Variants in KIAA0825 observed in about 807,000 individuals in gnomAD.
The protein encoded by KIAA0825 is uncharacterized protein KIAA0825.
In KIAA0825, 119 loss-of-function variants were observed where a neutral mutation model predicts 147.6. That is an observed-to-expected ratio of 0.81 (90% CI 0.69 to 0.94). KIAA0825 has a LOEUF of 0.94. Among genes scored for constraint, KIAA0825 ranks in the 40% least tolerant of loss-of-function variants. The pLI is 0.00. For missense variants in KIAA0825, 1,381 were observed against 1,472.7 expected (o/e 0.94, Z 1.02); for synonymous variants, 470 against 518.1 (o/e 0.91, Z 1.26).
rs149702465 is a variant in KIAA0825 at position 94,172,005 on chromosome 5, C to T, written c.3711-17881G>A. ...CATTGAATGTCTCATTAGGATTCCACGCTGAAGATAGTGACATGAGATTCT... is the reference window on the plus strand; with the variant it reads ...CATTGAATGTCTCATTAGGATTCCATGCTGAAGATAGTGACATGAGATTCT... On this transcript the variant is annotated intron_variant, in intron 20 of 20. Coordinates refer to ENST00000682413, the MANE Select transcript of KIAA0825 (RefSeq NM_001145678.3). 3.9e-3 allele frequency among the ~76,000 whole-genome samples: 598 copies of T among 152,136 alleles called. 6 individuals are homozygous for T. The highest frequency in any genetic ancestry group is 5.0e-3 in the Non-Finnish European group (341 of 67,984).
intron 2 of KIAA0825, among the ~76,000 whole-genome samples, chr5:94,581,356 C>T (rs1448724869): frequency 2.0e-5 from 3 of 152,190 alleles, no homozygotes; most frequent in South Asian, 2.1e-4. Context: ...CTGTCTCTCA[C>T]CTCCAGAGGA....
chr5:94,182,029 C>T (rs149611463), intron 20 of KIAA0825, among the ~76,000 whole-genome samples: 239 of 152,050 alleles, frequency 1.6e-3, no homozygotes, highest in African/African-American at 5.5e-3. Flanking sequence ...GATGTTTAAA[C>T]TCCTTATCAA....
intron 1 of KIAA0825, among the ~76,000 whole-genome samples, chr5:94,609,117 C>CTT (rs1788203678): frequency 6.6e-6 from 1 of 152,106 alleles, no homozygotes. Context: ...TTTTGGTGAT[C>CTT]AAAGAAGAAT....
intron 20 of KIAA0825, among the ~76,000 whole-genome samples, chr5:94,380,518 A>G (rs1264714395): frequency 6.6e-6 from 1 of 152,266 alleles, no homozygotes; most frequent in Non-Finnish European, 1.5e-5. Context: ...TATTGAGTTT[A>G]CATTCTACCA....
At chr5:94,216,510 A>T (rs1262496756) in intron 20 of KIAA0825, among the ~76,000 whole-genome samples, 1 of 152,168 alleles carries the variant, frequency 6.6e-6, no homozygotes, top group Non-Finnish European at 1.5e-5. Context: ...GAATAAAGTG[A>T]TTAGCCTGTG....
chr5:94,238,430 C>G (rs1005219203), intron 20 of KIAA0825, among the ~76,000 whole-genome samples: 1 of 152,010 alleles, frequency 6.6e-6, no homozygotes, highest in Non-Finnish European at 1.5e-5. Context: ...TATATAAATC[C>G]AAGATATAGT....
chr5:94,443,920 G>A (rs1757419052), intron 13 of KIAA0825, among the ~76,000 whole-genome samples: 1 of 152,142 alleles, frequency 6.6e-6, no homozygotes, highest in African/African-American at 2.4e-5. Context: ...ATATCATGCA[G>A]AAGCTGCAAG....
intron 20 of KIAA0825, among the ~76,000 whole-genome samples, chr5:94,214,004 C>T (rs1261954113): frequency 6.6e-6 from 1 of 152,130 alleles, no homozygotes; most frequent in Non-Finnish European, 1.5e-5. Flanking sequence ...TAGCACACAT[C>T]ACATTCACAA....
intron 20 of KIAA0825, among the ~76,000 whole-genome samples, chr5:94,208,695 G>A (rs1226553625): frequency 6.6e-6 from 1 of 152,174 alleles, no homozygotes; most frequent in Admixed American, 6.5e-5. Flanking sequence ...AGCTGGGGCT[G>A]GAGATTGGGG....
intron 5 of KIAA0825, among the ~76,000 whole-genome samples, chr5:94,500,444 T>G (rs1229619621): frequency 6.6e-6 from 1 of 152,138 alleles, no homozygotes; most frequent in Non-Finnish European, 1.5e-5. Flanking sequence ...TCTTGGTGAT[T>G]CTTTTGACGG....
rs17083691 is a variant in KIAA0825, at chr5:94,442,309, A to G, written c.2358-2188T>C. On this transcript the variant is annotated intron_variant, in intron 13 of 20. Transcript: ENST00000682413. Reference sequence around the variant, plus strand: ...AACCTTGGGCCAACTCAGGCTTCCCATGTAAAACTCTGATAACATATCTCA... The same window carrying G: ...AACCTTGGGCCAACTCAGGCTTCCCGTGTAAAACTCTGATAACATATCTCA... Among the ~76,000 whole-genome samples the G allele has an allele frequency of 8.6e-3, 1,314 of 152,270 alleles. 25 individuals are homozygous for G. Among genetic ancestry groups the G allele is most frequent in the African/African-American group, 0.03 (1,241 of 41,534 alleles).
At chr5:94,519,427 T>G in intron 5 of KIAA0825, 1 of 918,744 alleles carries the variant, frequency 1.1e-6, no homozygotes, top group South Asian at 5.0e-5. Context: ...AATCCTATTT[T>G]TACCCTGATT....
At chr5:94,188,654 C>T (rs1477153874) in intron 20 of KIAA0825, among the ~76,000 whole-genome samples, 4 of 151,800 alleles carry the variant, frequency 2.6e-5, no homozygotes, top group African/African-American at 9.7e-5. Flanking sequence ...GATATATCAC[C>T]ATTGTTTATT....
chr5:94,504,372 G>T (rs1322196656), intron 5 of KIAA0825, among the ~76,000 whole-genome samples: 3 of 152,176 alleles, frequency 2.0e-5, no homozygotes, highest in Non-Finnish European at 2.9e-5. Context: ...AGCCATGATA[G>T]TTGCTTAGTG....
intron 1 of KIAA0825, among the ~76,000 whole-genome samples, chr5:94,606,615 C>A (rs1032951017): frequency 5.3e-5 from 8 of 152,052 alleles, no homozygotes; most frequent in East Asian, 1.9e-4. Flanking sequence ...CGCATATCTA[C>A]AACTATGTGA....
intron 2 of KIAA0825, among the ~76,000 whole-genome samples, chr5:94,553,541 G>A (rs967069285): frequency 1.3e-5 from 2 of 151,458 alleles, no homozygotes; most frequent in African/African-American, 2.4e-5. Flanking sequence ...AAGGCGGGTC[G>A]ATCACCTGAG....
At chr5:94,560,235 A>T (rs555925743) in intron 2 of KIAA0825, among the ~76,000 whole-genome samples, 79 of 152,304 alleles carry the variant, frequency 5.2e-4, no homozygotes, top group African/African-American at 1.9e-3. Flanking sequence ...AGGGGTTCTG[A>T]AGGCTCTTGT....
chr5:94,602,119 G>A (rs902208189), intron 1 of KIAA0825, among the ~76,000 whole-genome samples: 1 of 152,122 alleles, frequency 6.6e-6, no homozygotes, highest in Non-Finnish European at 1.5e-5. Flanking sequence ...GGAGGCCAAG[G>A]CAGGCGGATC....
At chr5:94,228,298 C>A (rs184063870) in intron 20 of KIAA0825, among the ~76,000 whole-genome samples, 1 of 152,172 alleles carries the variant, frequency 6.6e-6, no homozygotes, top group Non-Finnish European at 1.5e-5. Context: ...CACACCTCAA[C>A]GGCAACAAGT....
Sources: gnomAD v4.1 joint callset for allele counts (sites outside exome capture counted in the v4.1 genomes callset) on GRCh38, gnomAD v4.1.1 for gene constraint, MANE v1.5 for transcripts, NCBI Gene and HGNC (gene_info 2026-07-23, HGNC 2026-07-21) for gene names.